OTUD7A: variants seen among roughly 807,000 people sequenced by gnomAD.
OTUD7A encodes OTU domain-containing protein 7A.
OTUD7A carries 12 observed loss-of-function variants against 65.7 expected under a neutral mutation model. The observed-to-expected ratio is 0.18, with a 90% CI of 0.12 to 0.30. OTUD7A has a LOEUF of 0.30. OTUD7A is among the 10% of genes least tolerant of loss of function. The pLI, the probability that OTUD7A is intolerant of heterozygous loss-of-function variation, is 1.00. For synonymous variants in OTUD7A, 641 were observed against 586.3 expected (o/e 1.09, Z -1.35); for missense variants, 1,148 against 1,304.8 (o/e 0.88, Z 1.85).
At chr15:31,688,921 T>C (rs1892902379) in intron 1 of OTUD7A, among the ~76,000 whole-genome samples, 1 of 152,206 alleles carries the variant, frequency 6.6e-6, no homozygotes, top group Admixed American at 6.5e-5. Flanking sequence ...CCAAGAGTCA[T>C]AAAGCAAAAG....
At chr15:31,492,709 G>C (rs1254257911) in intron 10 of OTUD7A, among the ~76,000 whole-genome samples, 2 of 151,860 alleles carry the variant, frequency 1.3e-5, no homozygotes, top group Non-Finnish European at 2.9e-5. Flanking sequence ...CCATTAAAAA[G>C]CTCAATTTAC....
rs180794862 is a variant in OTUD7A at position 31,499,016 on chromosome 15, G to T, written c.1171+2674C>A. Among the ~76,000 whole-genome samples, 7 of 152,240 alleles carry T rather than the reference G, an allele frequency of 4.6e-5. No homozygotes were observed. In the East Asian group the frequency reaches 1.4e-3, roughly 29 times the overall value. On this transcript the variant is annotated intron_variant, in intron 10 of 12. Transcript: ENST00000307050. ...CACGGCAGTAGCACCTATAAGAGGG[G>T]GCTTCCCTTAGAGGGAGAGGCACTC...
At chr15:31,794,725 T>A (rs1381203466) in intron 1 of OTUD7A, among the ~76,000 whole-genome samples, 15 of 151,762 alleles carry the variant, frequency 9.9e-5, no homozygotes, top group African/African-American at 3.6e-4. Flanking sequence ...CAGCCCACCG[T>A]CTGGGGGATG....
rs1184829170 is a variant in OTUD7A at position 31,483,510 on chromosome 15, G to A, written c.2586C>T (p.Phe862=). 17 of 1,395,688 alleles carry A rather than the reference G, an allele frequency of 1.2e-5. No homozygotes were observed. The African/African-American group carries it at 1.5e-4, about 13-fold the overall frequency. 86.5% of individuals were successfully genotyped at this position (1,395,688 alleles called of 1,614,324 possible). A position where few individuals can be genotyped will look rare whatever the true frequency, so the allele number is the denominator to read the frequency against. The change falls in exon 13 of 13, where the codon TTC becomes TTT. Residue 862 remains phenylalanine (F), a synonymous_variant. Transcript: ENST00000307050. ...EHKSQTYTNG[F]GALRDGLEFA... is the part of the protein sequence containing the mutation. Reference sequence around the variant, plus strand: ...ACTCCAGGCCGTCGCGCAGGGCGCCGAAGCCGTTGGTGTAGGTCTGCGACT... The same window carrying A: ...ACTCCAGGCCGTCGCGCAGGGCGCCAAAGCCGTTGGTGTAGGTCTGCGACT...
At chr15:31,580,591 A>G (rs770602210) in intron 3 of OTUD7A, among the ~76,000 whole-genome samples, 7 of 152,198 alleles carry the variant, frequency 4.6e-5, no homozygotes, top group Non-Finnish European at 7.3e-5. Context: ...ATTGACTCAC[A>G]GTTACACATG....
rs114247011 is a variant in OTUD7A, at chr15:31,848,203, A to G, written c.-100+22304T>C. ...AGGTGCTGAGCAAGGAAAGGCAGGG[A>G]AAGGCTTTGGGAAGGGAAACCAAAG... On this transcript the variant is annotated intron_variant, in intron 1 of 12. Coordinates refer to ENST00000307050, the MANE Select transcript of OTUD7A (RefSeq NM_001382637.1). 7.0e-3 allele frequency among the ~76,000 whole-genome samples: 1,065 copies of G among 152,290 alleles called. 15 individuals are homozygous for G. The highest frequency in any genetic ancestry group is 0.025 in the African/African-American group (1,026 of 41,570).
intron 3 of OTUD7A, among the ~76,000 whole-genome samples, chr15:31,576,875 G>A (rs1316984315): frequency 6.6e-6 from 1 of 152,188 alleles, no homozygotes; most frequent in Non-Finnish European, 1.5e-5. Flanking sequence ...CCTCAGAGAT[G>A]CCTGAAAAAC....
intron 1 of OTUD7A, chr15:31,767,511 A>C: frequency 1.3e-6 from 1 of 771,846 alleles, no homozygotes; most frequent in Non-Finnish European, 2.4e-6. Flanking sequence ...TTTGTTTTGT[A>C]GTATAACTAC....
intron 4 of OTUD7A, among the ~76,000 whole-genome samples, chr15:31,564,856 G>T (rs1888815539): frequency 6.6e-6 from 1 of 152,038 alleles, no homozygotes; most frequent in Admixed American, 6.6e-5. Flanking sequence ...GATATTTCTG[G>T]CAAATATGAA....
intron 3 of OTUD7A, among the ~76,000 whole-genome samples, chr15:31,579,033 T>C (rs1889291204): frequency 6.6e-6 from 1 of 152,218 alleles, no homozygotes; most frequent in Non-Finnish European, 1.5e-5. Context: ...TTGACTCTTT[T>C]CGTTAACAAT....
intron 1 of OTUD7A, among the ~76,000 whole-genome samples, chr15:31,869,976 G>A (rs1304096290): frequency 6.6e-6 from 1 of 152,028 alleles, no homozygotes; most frequent in African/African-American, 2.4e-5. Context: ...ACCCAGCAGA[G>A]CGAGCGGGAC....
intron 1 of OTUD7A, among the ~76,000 whole-genome samples, chr15:31,669,763 C>G (rs77525302): frequency 0.062 from 9,367 of 150,086 alleles, 487 homozygotes; most frequent in African/African-American, 0.17. Flanking sequence ...CCCAAAGGAT[C>G]CCTGTGGTGC....
chr15:31,813,099 C>G (rs1896462024), intron 1 of OTUD7A, among the ~76,000 whole-genome samples: 1 of 152,170 alleles, frequency 6.6e-6, no homozygotes, highest in Non-Finnish European at 1.5e-5. Context: ...CGCCGGGGAG[C>G]CCGGGAATTG....
chr15:31,646,654 T>C (rs1352442757), intron 3 of OTUD7A, among the ~76,000 whole-genome samples: 1 of 152,000 alleles, frequency 6.6e-6, no homozygotes, highest in Admixed American at 6.6e-5. Flanking sequence ...AGAGACAGGG[T>C]TTCACCATGT....
intron 3 of OTUD7A, among the ~76,000 whole-genome samples, chr15:31,631,323 T>C (rs1394385802): frequency 6.6e-6 from 1 of 152,130 alleles, no homozygotes; most frequent in African/African-American, 2.4e-5. Flanking sequence ...GTCTGTAAAG[T>C]ATTTTATTTC....
intron 3 of OTUD7A, among the ~76,000 whole-genome samples, chr15:31,584,791 T>G (rs906994766): frequency 2.6e-5 from 4 of 152,176 alleles, no homozygotes; most frequent in African/African-American, 9.7e-5. Context: ...ACACGTCAGC[T>G]GGAGTCTGCA....
chr15:31,859,972 T>C (rs762051285), intron 1 of OTUD7A, among the ~76,000 whole-genome samples: 79 of 152,344 alleles, frequency 5.2e-4, no homozygotes, highest in African/African-American at 9.1e-4. Context: ...TTTTTTAACA[T>C]AGGAAGGTAT....
At chr15:31,763,986 T>C (rs1305160037) in intron 1 of OTUD7A, among the ~76,000 whole-genome samples, 1 of 152,066 alleles carries the variant, frequency 6.6e-6, no homozygotes, top group Non-Finnish European at 1.5e-5. Context: ...TGAAAGAAAA[T>C]GAAGAGAATT....
chr15:31,657,095 G>A lies in OTUD7A; in HGVS notation c.-99-18C>T, dbSNP rs917590695. ...ACTGCCACCTGGGGGACAGATCAGAGAACAAGAGCATGTGATCTCCTTACT... is the reference window on the plus strand; with the variant it reads ...ACTGCCACCTGGGGGACAGATCAGAAAACAAGAGCATGTGATCTCCTTACT... On this transcript the variant is annotated intron_variant, in intron 1 of 12. Transcript: ENST00000307050. 6.6e-6 allele frequency: 1 copy of A among 152,666 alleles called. No individual in the cohort carries two copies. Among genetic ancestry groups the A allele is most frequent in the Non-Finnish European group, 1.5e-5 (1 of 68,050 alleles). The allele number at this position is 152,666 out of a possible 1,614,324, so 9.5% of individuals were successfully genotyped here.
Sources: allele counts gnomAD v4.1 joint callset (sites outside exome capture counted in the v4.1 genomes callset), GRCh38; gene constraint gnomAD v4.1.1; transcripts MANE v1.5; gene names NCBI Gene and HGNC (gene_info 2026-07-23, HGNC 2026-07-21).